The following NCAPD3 variants were observed in gnomAD, a reference collection of about 807,000 sequenced individuals.
The protein encoded by NCAPD3 is non-SMC condensin II complex subunit D3.
A neutral mutation model predicts 182.9 loss-of-function variants in NCAPD3; 105 were observed. The ratio of observed to expected loss-of-function variants is 0.57; its 90% CI spans 0.49 to 0.68. The LOEUF (loss-of-function observed/expected upper bound fraction) is 0.68, where lower values mean the gene tolerates loss of function less well. NCAPD3 is among the 30% of genes least tolerant of loss of function. The pLI is 0.00. For missense variants in NCAPD3, 1,944 were observed against 1,837.0 expected, an observed-to-expected ratio of 1.06 and a Z score of -1.07; for synonymous variants, 815 against 679.9, an observed-to-expected ratio of 1.20 and a Z score of -3.09.
rs371671923 is a variant in NCAPD3, at chr11:134,167,918, T to G, written c.3573+78A>C. On this transcript the variant is annotated intron_variant, in intron 27 of 34. Coordinates refer to ENST00000534548, the MANE Select transcript of NCAPD3 (RefSeq NM_015261.3). ...ACTTGTGAGATGAGCTTGGGGGAGG[T>G]GCACACTCGTGAGATGAGCTTAGGG... 4.6e-5 allele frequency: 57 copies of G among 1,244,842 alleles called. 1 individual carries two copies. The East Asian group carries it at 1.2e-3, about 27-fold the overall frequency. 77.1% of individuals were successfully genotyped at this position (1,244,842 alleles called of 1,614,324 possible). A position where few individuals can be genotyped will look rare whatever the true frequency, so the allele number is the denominator to read the frequency against.
At chr11:134,171,682 C>T (rs1363876331) in intron 24 of NCAPD3, among the ~76,000 whole-genome samples, 1 of 152,194 alleles carries the variant, frequency 6.6e-6, no homozygotes, top group Admixed American at 6.5e-5. Flanking sequence ...TGTCTAGACC[C>T]TGGTCATCCC....
chr11:134,194,277 T>C, intron 14 of NCAPD3, 127 bp from the exon 15 acceptor site: 1 of 952,528 alleles, frequency 1.0e-6, no homozygotes, highest in Non-Finnish European at 1.5e-6. Context: ...GGATCCAACC[T>C]TCCTCCTCAC....
chr11:134,177,694 A>G (rs544055722), intron 22 of NCAPD3: 2 of 512,668 alleles, frequency 3.9e-6, no homozygotes, highest in Non-Finnish European at 6.9e-6. Flanking sequence ...GTTCCTTTAC[A>G]CTAATAAAAT....
At chr11:134,195,152 G>A (rs188228744) in intron 13 of NCAPD3, among the ~76,000 whole-genome samples, 2 of 152,332 alleles carry the variant, frequency 1.3e-5, no homozygotes, top group Admixed American at 1.3e-4. Flanking sequence ...CCAGGGTGGT[G>A]TACAGTGGTA....
rs1943205193 is a variant in NCAPD3 at position 134,150,878 on chromosome 11, A to G, written c.*2066T>C. 6.6e-6 allele frequency: 1 copy of G among 152,178 alleles called. No homozygotes were observed. The highest frequency in any genetic ancestry group is 1.5e-5 in the Non-Finnish European group (1 of 68,028). The allele number at this position is 152,178 out of a possible 1,614,324, so 9.4% of individuals were successfully genotyped here. On this transcript the variant is annotated 3_prime_UTR_variant, in exon 35 of 35. Coordinates refer to ENST00000534548, the MANE Select transcript of NCAPD3 (RefSeq NM_015261.3). The stretch of plus-strand genomic sequence containing the variant: ...AACGTCAGGTGGAGCAGCCAGGTGA[A>G]AGGCCTGGCGGGGAGGAAAGTGAAA...
chr11:134,173,367 G>T, intron 24 of NCAPD3: 1 of 154,202 alleles, frequency 6.5e-6, no homozygotes, highest in South Asian at 1.8e-4. Context: ...GCTGCTGAGT[G>T]AGGCTGATGG....
At chr11:134,165,517 A>C (rs972660311) in intron 27 of NCAPD3, among the ~76,000 whole-genome samples, 1 of 144,060 alleles carries the variant, frequency 6.9e-6, no homozygotes, top group Non-Finnish European at 1.5e-5. Flanking sequence ...CGGGAGCAGC[A>C]CACTCACTTG....
chr11:134,218,243 T>C lies in NCAPD3; in HGVS notation c.220-1145A>G, dbSNP rs376857692. Among the ~76,000 whole-genome samples the C allele has an allele frequency of 1.4e-4, 21 of 151,898 alleles. No homozygotes were observed. In the East Asian group the frequency reaches 4.1e-3, roughly 29 times the overall value. On this transcript the variant is annotated intron_variant, in intron 2 of 34. Coordinates refer to ENST00000534548, the MANE Select transcript of NCAPD3 (RefSeq NM_015261.3). ...CATCTGCTCACCAGGGCTCTGCATA[T>C]GGGGTCACCTTGGCCCCATGTGATC...
At chr11:134,168,442 ATTTTCT>A in intron 26 of NCAPD3, 21 bp downstream of exon 26, 9 of 1,612,794 alleles carry the variant, frequency 5.6e-6, no homozygotes, top group Non-Finnish European at 7.6e-6. Flanking sequence ...AAACACACAC[ATTTTCT>A]CCCACACACA....
Position 134,217,044 on chromosome 11 carries a change from A to G in NCAPD3, c.274T>C (p.Leu92=), listed in dbSNP as rs1227274865. The part of the protein sequence containing the change: ...NNVSHSTLVA[L]FYHFVQIVHK... ...ACTATTTGAACAAAATGATAGAACA[A>G]TGCCACCAGTGTACTATGGGAAACA... The change falls in exon 3 of 35, where the codon TTG becomes CTG. Residue 92 remains leucine, a synonymous_variant. Coordinates refer to ENST00000534548, the MANE Select transcript of NCAPD3 (RefSeq NM_015261.3). 3 of 1,613,960 alleles carry G rather than the reference A, an allele frequency of 1.9e-6. No homozygotes were observed. Among genetic ancestry groups the G allele is most frequent in the Non-Finnish European group, 2.5e-6 (3 of 1,179,850 alleles).
At chr11:134,188,426 C>T (rs1407855324) in intron 16 of NCAPD3, among the ~76,000 whole-genome samples, 1 of 152,230 alleles carries the variant, frequency 6.6e-6, no homozygotes, top group African/African-American at 2.4e-5. Context: ...CAGCAACCCG[C>T]TCGGGTCCCC....
chr11:134,206,850 T>TA (rs1937625460), intron 7 of NCAPD3, 118 bp from the exon 8 acceptor site: 1 of 1,045,610 alleles, frequency 9.6e-7, no homozygotes, highest in Non-Finnish European at 1.4e-6. Flanking sequence ...CAGGCTGGCA[T>TA]AATTGCTGGC....
At chr11:134,167,852 G>A in intron 27 of NCAPD3, 144 bp downstream of exon 27, 1 of 801,290 alleles carries the variant, frequency 1.2e-6, no homozygotes, top group Non-Finnish European at 2.0e-6. Context: ...GCTTGGGGGA[G>A]CAGCACACTC....
chr11:134,200,991 A>G (rs1345595782), intron 13 of NCAPD3, among the ~76,000 whole-genome samples: 1 of 152,010 alleles, frequency 6.6e-6, no homozygotes, highest in African/African-American at 2.4e-5. Flanking sequence ...AACACAGTAC[A>G]TGACTGCATT....
chr11:134,206,608 T>C lies in NCAPD3; in HGVS notation c.1007A>G (p.Gln336Arg), dbSNP rs1000738279. The C allele has an allele frequency of 3.1e-6, 5 of 1,613,246 alleles. No homozygotes were observed. In the African/African-American group the frequency reaches 5.3e-5, roughly 17 times the overall value. ...QVINCRNQAV[Q>R]FISALVDELK... ...GATTTGTGTGCTTCACCTGATAAAC[T>C]GGACCGCCTGGTTTCTACAGTTGAT... The change falls in exon 8 of 35, where the codon CAG (glutamine) becomes CGG (arginine). Residue 336 changes from glutamine (Q) to arginine (R), a missense_variant. By Grantham distance (43) the Gln-to-Arg change is conservative. This residue lies in a region of NCAPD3 where 1,803 missense variants were observed against 1,674.6 expected (regional missense o/e 1.08). Coordinates refer to ENST00000534548, the MANE Select transcript of NCAPD3 (RefSeq NM_015261.3).
intron 31 of NCAPD3, 93 bp downstream of exon 31, chr11:134,157,835 A>C: frequency 1.5e-6 from 2 of 1,355,460 alleles, no homozygotes; most frequent in Non-Finnish European, 2.0e-6. Flanking sequence ...AAAGATAAGA[A>C]AACACACCGC....
At chr11:134,177,610 C>G in intron 22 of NCAPD3, 153 bp from the exon 23 acceptor site, 3 of 647,610 alleles carry the variant, frequency 4.6e-6, no homozygotes, top group Non-Finnish European at 7.9e-6. Context: ...TAAAGGCAGA[C>G]AGACCCATCT....
In NCAPD3 at chr11:134,184,886, C is replaced by T. The variant is rs773310175; in HGVS notation, c.2335+17G>A. The T allele has an allele frequency of 3.8e-6, 6 of 1,587,832 alleles. No individual in the cohort carries two copies. Among genetic ancestry groups the T allele is most frequent in the Non-Finnish European group, 5.2e-6 (6 of 1,156,496 alleles). ...CAGCAATGCATTTTCACATAAGATT[C>T]TCCAGCAGACACTCACCAGTCACTT... On this transcript the variant is annotated intron_variant, in intron 18 of 34. Coordinates refer to ENST00000534548, the MANE Select transcript of NCAPD3 (RefSeq NM_015261.3).
Position 134,223,941 on chromosome 11 carries a change from G to C in NCAPD3, c.-15C>G, listed in dbSNP as rs766395064. 111 of 1,610,438 alleles carry C rather than the reference G, an allele frequency of 6.9e-5. 1 individual carries two copies. Among genetic ancestry groups the C allele is most frequent in the Middle Eastern group, 1.6e-4 (1 of 6,072 alleles). On this transcript the variant is annotated 5_prime_UTR_variant, in exon 1 of 35. Transcript: ENST00000534548. ...AACGCCACCATGATCCCAGGGCACC[G>C]GCTCGCCGCCGCCGTGCTCAACTTT...
Sources: gnomAD v4.1 joint callset for allele counts (sites outside exome capture counted in the v4.1 genomes callset) on GRCh38, gnomAD v4.1.1 for gene constraint, gnomAD v4.1.1 regional missense constraint, MANE v1.5 for transcripts, NCBI Gene and HGNC (gene_info 2026-07-23, HGNC 2026-07-21) for gene names.